CCDC7: variants seen among roughly 807,000 people sequenced by gnomAD.
CCDC7 encodes the protein coiled-coil domain containing 7.
Under a neutral mutation model 196.9 loss-of-function variants are expected in CCDC7, and 183 were observed. That is an observed-to-expected ratio of 0.93 (90% CI 0.82 to 1.05). The LOEUF is 1.05. Among genes scored for constraint, CCDC7 ranks in the 50% least tolerant of loss-of-function variants. The pLI is 0.00. For missense variants in CCDC7, 1,540 were observed against 1,482.2 expected (o/e 1.04, Z -0.64); for synonymous variants, 525 against 484.6 (o/e 1.08, Z -1.10).
intron 29 of CCDC7, among the ~76,000 whole-genome samples, chr10:32,797,643 C>A (rs1272550084): frequency 6.6e-6 from 1 of 151,790 alleles, no homozygotes; most frequent in African/African-American, 2.4e-5. Flanking sequence ...CCACCTGTTC[C>A]CCAATGATTA....
At chr10:32,767,078 T>C (rs1028022906) in intron 28 of CCDC7, among the ~76,000 whole-genome samples, 1 of 152,054 alleles carries the variant, frequency 6.6e-6, no homozygotes, top group East Asian at 1.9e-4. Flanking sequence ...CTAATACTAA[T>C]AGAGTAACAA....
At chr10:32,791,773 G>C (rs1031655695) in intron 29 of CCDC7, among the ~76,000 whole-genome samples, 8 of 152,056 alleles carry the variant, frequency 5.3e-5, no homozygotes, top group Non-Finnish European at 8.8e-5. Flanking sequence ...TATTAAAGAA[G>C]GAAACAGTGG....
At chr10:32,587,316 A>C (rs140226729) in intron 18 of CCDC7, among the ~76,000 whole-genome samples, 1 of 152,336 alleles carries the variant, frequency 6.6e-6, no homozygotes, top group African/African-American at 2.4e-5. Context: ...GGGGAGTCCA[A>C]GGTCAAGGGA....
At chr10:32,563,324 A>G (rs1168032800) in intron 13 of CCDC7, among the ~76,000 whole-genome samples, 1 of 152,186 alleles carries the variant, frequency 6.6e-6, no homozygotes, top group Non-Finnish European at 1.5e-5. Context: ...GGAACCAAAA[A>G]AGAGCCCGCA....
Position 32,725,405 on chromosome 10 carries a change from A to G in CCDC7, c.2570-1329A>G, listed in dbSNP as rs374947900. 222 of 470,668 alleles carry G rather than the reference A, an allele frequency of 4.7e-4. 2 individuals carry two copies. Among genetic ancestry groups the G allele is most frequent in the South Asian group, 3.3e-3 (213 of 64,516 alleles). 29.2% of individuals were successfully genotyped at this position (470,668 alleles called of 1,614,324 possible). A position where few individuals can be genotyped will look rare whatever the true frequency, so the allele number is the denominator to read the frequency against. ...AGGGTATGTTTCAAATACTGTATTT[A>G]TTAGTTACATGGATTAGTACTTGTT... On this transcript the variant is annotated intron_variant, in intron 25 of 41. Transcript: ENST00000639629.
At chr10:32,608,206 T>C (rs541126579) in intron 18 of CCDC7, among the ~76,000 whole-genome samples, 23 of 152,240 alleles carry the variant, frequency 1.5e-4, no homozygotes, top group African/African-American at 5.5e-4. Flanking sequence ...TTTTTGTTGC[T>C]TAGTCCAGCT....
At chr10:32,559,820 G>A (rs577533586) in intron 13 of CCDC7, among the ~76,000 whole-genome samples, 5 of 152,354 alleles carry the variant, frequency 3.3e-5, no homozygotes, top group African/African-American at 1.2e-4. Flanking sequence ...AAGCTGGATG[G>A]AGAATGACTT....
chr10:32,722,345 A>G (rs1240710612), intron 25 of CCDC7, among the ~76,000 whole-genome samples: 1 of 152,130 alleles, frequency 6.6e-6, no homozygotes, highest in Non-Finnish European at 1.5e-5. Context: ...ACCCATGCAT[A>G]CTTTGTTACA....
At chr10:32,758,478 A>G (rs1039415069) in intron 28 of CCDC7, among the ~76,000 whole-genome samples, 2 of 152,326 alleles carry the variant, frequency 1.3e-5, no homozygotes, top group Non-Finnish European at 2.9e-5. Flanking sequence ...CATCATATAA[A>G]TAGAACCTAA....
chr10:32,462,793 T>C (rs1200206481), intron 4 of CCDC7, 90 bp downstream of exon 5: 1 of 1,310,608 alleles, frequency 7.6e-7, no homozygotes, highest in East Asian at 2.5e-5. Context: ...TTTAAGGGAG[T>C]AGAAGGAATT....
At chr10:32,825,480 C>A (rs2090975255) in intron 32 of CCDC7, among the ~76,000 whole-genome samples, 2 of 152,258 alleles carry the variant, frequency 1.3e-5, no homozygotes, top group South Asian at 4.1e-4. Flanking sequence ...TGCTTCCTGC[C>A]CTCGTGTGAG....
chr10:32,660,980 C>A (rs1411426873), intron 20 of CCDC7, among the ~76,000 whole-genome samples: 3 of 138,932 alleles, frequency 2.2e-5, no homozygotes, highest in African/African-American at 8.1e-5. Flanking sequence ...CAAATGGGAT[C>A]TAATTAAACT....
chr10:32,450,935 A>T (rs75369543), upstream of CCDC7, among the ~76,000 whole-genome samples: 4,156 of 152,106 alleles, frequency 0.027, 203 homozygotes, highest in African/African-American at 0.094. Context: ...AAGTTAAAAA[A>T]TTTTTTGTTC....
At chr10:32,655,178 G>A (rs569542027) in intron 20 of CCDC7, among the ~76,000 whole-genome samples, 2 of 152,268 alleles carry the variant, frequency 1.3e-5, no homozygotes, top group African/African-American at 2.4e-5. Context: ...TAGGCAGCTG[G>A]ATTTCACAGC....
At chr10:32,741,640 C>G (rs765114431) in intron 28 of CCDC7, among the ~76,000 whole-genome samples, 1 of 152,148 alleles carries the variant, frequency 6.6e-6, no homozygotes, top group Non-Finnish European at 1.5e-5. Flanking sequence ...TCATGTTGTT[C>G]AAGTATCAAC....
chr10:32,689,187 C>CT, intron 23 of CCDC7, 24 bp downstream of exon 24: 3 of 1,391,590 alleles, frequency 2.2e-6, no homozygotes, highest in Non-Finnish European at 3.0e-6. Flanking sequence ...GTAAAGATAA[C>CT]TTTAAATTAT....
chr10:32,801,855 T>A (rs1349575728), intron 29 of CCDC7, among the ~76,000 whole-genome samples: 1 of 152,174 alleles, frequency 6.6e-6, no homozygotes, highest in Non-Finnish European at 1.5e-5. Context: ...TGCCACCACT[T>A]GGAGTGGGGA....
At chr10:32,798,192 C>T (rs1212253096) in intron 29 of CCDC7, among the ~76,000 whole-genome samples, 2 of 152,170 alleles carry the variant, frequency 1.3e-5, no homozygotes, top group Non-Finnish European at 2.9e-5. Context: ...TCCATGATAA[C>T]AGAGGTCCAA....
At chr10:32,857,134 A>C (rs551472368) in intron 41 of CCDC7, among the ~76,000 whole-genome samples, 3 of 152,220 alleles carry the variant, frequency 2.0e-5, no homozygotes, top group African/African-American at 7.2e-5. Flanking sequence ...AGTCCTTTAC[A>C]CTGAGAAATG....
Sources: gnomAD v4.1 joint callset for allele counts (sites outside exome capture counted in the v4.1 genomes callset) on GRCh38, gnomAD v4.1.1 for gene constraint, MANE v1.5 for transcripts, NCBI Gene and HGNC (gene_info 2026-07-23, HGNC 2026-07-21) for gene names.